STK32B: variants seen among roughly 807,000 people sequenced by gnomAD.
The protein encoded by STK32B is serine/threonine-protein kinase 32B.
STK32B carries 43 observed loss-of-function variants against 52.6 expected under a neutral mutation model. That is an observed-to-expected ratio of 0.82 (90% confidence interval 0.64 to 1.05). The LOEUF (loss-of-function observed/expected upper bound fraction) is 1.05, where lower values mean the gene tolerates loss of function less well. STK32B is among the 50% of genes least tolerant of loss of function. The pLI is 0.00. For synonymous variants in STK32B, 238 were observed against 204.3 expected, an observed-to-expected ratio of 1.17 and a Z score of -1.41; for missense variants, 621 against 534.6, an observed-to-expected ratio of 1.16 and a Z score of -1.59.
chr4:5,042,313 C>T, the STK32B span, among the ~76,000 whole-genome samples: 3 of 152,166 alleles, frequency 2.0e-5, no homozygotes, highest in Non-Finnish European at 2.9e-5. Context: ...GCAGACTCAG[C>T]ACATATAAGT....
intron 3 of STK32B, among the ~76,000 whole-genome samples, chr4:5,250,357 G>T (rs1160214555): frequency 9.1e-5 from 13 of 142,394 alleles, no homozygotes; most frequent in Admixed American, 8.7e-4. Flanking sequence ...CTGTCACCCA[G>T]GCTGGAGTGC....
Position 5,168,167 on chromosome 4 carries a change from G to C in STK32B, c.109-132G>C, listed in dbSNP as rs1352884642. On this transcript the variant is annotated intron_variant, in intron 2 of 11. Transcript: ENST00000282908. Reference sequence around the variant, plus strand: ...GAGAGGTTGTGCCTAACTTAGCAGAGCTGCTCCCCTAGCAGATTTCAAGAA... The same window carrying C: ...GAGAGGTTGTGCCTAACTTAGCAGACCTGCTCCCCTAGCAGATTTCAAGAA... 5 of 1,210,772 alleles carry C rather than the reference G, an allele frequency of 4.1e-6. No individual in the cohort carries two copies. The Admixed American group carries it at 1.3e-4, about 31-fold the overall frequency. 75.0% of individuals were successfully genotyped at this position (1,210,772 alleles called of 1,614,324 possible).
Position 5,481,044 on chromosome 4 carries a change from C to T in STK32B, c.1106+12974C>T, listed in dbSNP as rs182405467. ...TGTGAACAGTGCCACAATAAACATA[C>T]GTGTGCATGTGTCTTTAAAGCAGCA... is the stretch of plus-strand genomic sequence containing the variant. On this transcript the variant is annotated intron_variant, in intron 11 of 11. Coordinates refer to ENST00000282908, the MANE Select transcript of STK32B (RefSeq NM_018401.3). 5.5e-3 allele frequency among the ~76,000 whole-genome samples: 838 copies of T among 152,174 alleles called. 41 individuals are homozygous for T. Among genetic ancestry groups the T allele is most frequent in the Admixed American group, 0.051 (780 of 15,268 alleles).
At position 5,469,969 on chromosome 4, in the gene STK32B, C is replaced by T. The variant is rs942909290; in HGVS notation, c.1106+1899C>T. Among the ~76,000 whole-genome samples the T allele has an allele frequency of 6.6e-5, 10 of 152,300 alleles. No individual in the cohort carries two copies. Among genetic ancestry groups the T allele is most frequent in the African/African-American group, 2.4e-4 (10 of 41,570 alleles). ...CTTGGGCTCAGGCAGCCTTCATTCT[C>T]TGTGTGTGGGCCGTGGAGTCCAATG... On this transcript the variant is annotated intron_variant, in intron 11 of 11. Coordinates refer to ENST00000282908, the MANE Select transcript of STK32B (RefSeq NM_018401.3). The surrounding 1 kb of genome is among the most constrained non-coding windows in gnomAD (Gnocchi z 4.7).
At chr4:5,139,332 G>A (rs1716265101) in intron 1 of STK32B, among the ~76,000 whole-genome samples, 1 of 152,168 alleles carries the variant, frequency 6.6e-6, no homozygotes, top group Admixed American at 6.5e-5. Flanking sequence ...CCTGAGGGCA[G>A]GCATTGACAC....
intron 4 of STK32B, among the ~76,000 whole-genome samples, chr4:5,352,938 C>T (rs1733933386): frequency 6.6e-6 from 1 of 151,982 alleles, no homozygotes; most frequent in Non-Finnish European, 1.5e-5. Flanking sequence ...CACAAAAGAG[C>T]CCAAATAGCC....
Position 5,168,390 on chromosome 4 carries a change from A to T in STK32B, c.200A>T (p.Asn67Ile). 6.2e-7 allele frequency: 1 copy of T among 1,613,910 alleles called. No individual in the cohort carries two copies. The highest frequency in any genetic ancestry group is 1.1e-5 in the South Asian group (1 of 91,028). Reference protein sequence around the residue: ...QKCIERDEVRNVFRELQIMQG... With the variant: ...QKCIERDEVRIVFRELQIMQG... ...TGCATCGAGAGGGATGAGGTTCGGA[A>T]TGTTTTCCGGGAGCTGCAGATCATG... The change falls in exon 3 of 12, where the codon AAT becomes ATT. Residue 67 changes from asparagine to isoleucine, a missense_variant. By Grantham distance (149) the Asn-to-Ile change is moderately radical. Transcript: ENST00000282908.
At chr4:5,356,117 A>T (rs995066172) in intron 4 of STK32B, among the ~76,000 whole-genome samples, 1 of 152,150 alleles carries the variant, frequency 6.6e-6, no homozygotes, top group Non-Finnish European at 1.5e-5. Context: ...TGAGAAATAG[A>T]TCAGGGAGGA....
At chr4:5,323,690 A>G (rs576050345) in intron 3 of STK32B, among the ~76,000 whole-genome samples, 47 of 152,274 alleles carry the variant, frequency 3.1e-4, no homozygotes, top group African/African-American at 1.1e-3. Flanking sequence ...CACACAGAAT[A>G]TGGGTGTTTC....
At chr4:5,184,398 T>A (rs1720580195) in intron 3 of STK32B, among the ~76,000 whole-genome samples, 3 of 152,200 alleles carry the variant, frequency 2.0e-5, no homozygotes, top group African/African-American at 7.2e-5. Context: ...CAGCTCATGA[T>A]GCCCCAAAAC....
chr4:5,213,041 A>G (rs1204853522), intron 3 of STK32B, among the ~76,000 whole-genome samples: 1 of 152,200 alleles, frequency 6.6e-6, no homozygotes, highest in East Asian at 1.9e-4. Context: ...GTATTTAAAT[A>G]ATATATACGT....
chr4:5,171,782 G>C (rs980407558), intron 3 of STK32B, among the ~76,000 whole-genome samples: 5 of 148,760 alleles, frequency 3.4e-5, no homozygotes, highest in Non-Finnish European at 7.6e-5. Context: ...GATTGACTTG[G>C]CAATGTGGGC....
intron 8 of STK32B, among the ~76,000 whole-genome samples, chr4:5,459,313 C>T (rs1716849132): frequency 6.8e-6 from 1 of 146,510 alleles, no homozygotes; most frequent in African/African-American, 2.5e-5. Flanking sequence ...AAGTATGTGC[C>T]AGGTCCTTAC....
intron 6 of STK32B, 126 bp from the exon 7 acceptor site, chr4:5,446,547 A>T: frequency 1.4e-5 from 11 of 768,884 alleles, no homozygotes; most frequent in Non-Finnish European, 2.3e-5. Flanking sequence ...GCAGAGCAAA[A>T]CTCTATCTCA....
At chr4:5,373,314 C>T (rs1343084464) in intron 4 of STK32B, among the ~76,000 whole-genome samples, 2 of 152,200 alleles carry the variant, frequency 1.3e-5, no homozygotes, top group African/African-American at 4.8e-5. Flanking sequence ...CAGTGGGAGC[C>T]AGCAGGTTCA....
At chr4:5,219,596 C>T (rs113137665) in intron 3 of STK32B, among the ~76,000 whole-genome samples, 103 of 152,332 alleles carry the variant, frequency 6.8e-4, no homozygotes, top group African/African-American at 2.2e-3. Context: ...GCCCAACTTC[C>T]GAGCTGATCC....
chr4:5,446,560 A>C, intron 6 of STK32B, 113 bp from the exon 7 acceptor site: 2 of 980,502 alleles, frequency 2.0e-6, no homozygotes, highest in Non-Finnish European at 3.0e-6. Flanking sequence ...CTATCTCAAA[A>C]AAAAACAAAA....
intron 3 of STK32B, among the ~76,000 whole-genome samples, chr4:5,301,820 C>T (rs1729579087): frequency 1.5e-5 from 2 of 137,164 alleles, no homozygotes; most frequent in African/African-American, 6.2e-5. Flanking sequence ...TTTGTCATTT[C>T]CTTCGTTTGG....
chr4:5,149,284 T>C (rs1326254189), intron 2 of STK32B, among the ~76,000 whole-genome samples: 5 of 151,890 alleles, frequency 3.3e-5, no homozygotes, highest in Admixed American at 6.6e-5. Context: ...TTTAAAAAAA[T>C]CCATTCTGAC....
Sources: gnomAD v4.1 joint callset for allele counts (sites outside exome capture counted in the v4.1 genomes callset) on GRCh38, gnomAD v4.1.1 for gene constraint, Gnocchi (gnomAD v3.1) non-coding constraint, MANE v1.5 for transcripts, NCBI Gene and HGNC (gene_info 2026-07-23, HGNC 2026-07-21) for gene names.